The following MTCL2 variants were observed in gnomAD, a reference collection of about 807,000 sequenced individuals.
MTCL2 encodes the protein microtubule crosslinking factor 2.
chr20:36,794,543 T>C, the MTCL2 span: 1 of 1,613,932 alleles, frequency 6.2e-7, no homozygotes, highest in Non-Finnish European at 8.5e-7. The surrounding 1 kb of genome is among the most constrained non-coding windows in gnomAD (Gnocchi z 5.4). Flanking sequence ...GCCAGCAAGG[T>C]AAGGGGAACA....
the MTCL2 span, chr20:36,828,884 T>C: frequency 2.9e-6 from 2 of 683,446 alleles, no homozygotes; most frequent in South Asian, 2.0e-5. Flanking sequence ...ATTTACACAG[T>C]AGGTGCTCAG....
chr20:36,815,065 AAAAAC>A, the MTCL2 span: 21 of 1,486,830 alleles, frequency 1.4e-5, no homozygotes, highest in South Asian at 1.2e-4. This position sits in a 1 kb window ranked among gnomAD's most constrained non-coding sequence, Gnocchi z 5.3. Flanking sequence ...CTATCTCAAG[AAAAAC>A]AAAACAAAAC....
the MTCL2 span, chr20:36,859,752 C>G: frequency 8.1e-7 from 1 of 1,231,780 alleles, no homozygotes; most frequent in South Asian, 4.1e-5. Context: ...CCCACCAGAC[C>G]TGGTGGGACC....
chr20:36,863,075 C>A, the MTCL2 span: 1 of 1,402,366 alleles, frequency 7.1e-7, no homozygotes, highest in South Asian at 1.4e-5. This position sits in a 1 kb window ranked among gnomAD's most constrained non-coding sequence, Gnocchi z 6.2. Flanking sequence ...CGGTGCGGAC[C>A]CCGGCCACCC....
At chr20:36,840,425 C>T in the MTCL2 span, among the ~76,000 whole-genome samples, 1 of 151,888 alleles carries the variant, frequency 6.6e-6, no homozygotes, top group South Asian at 2.1e-4. Flanking sequence ...GCCTCGGCCT[C>T]CCAAATTGCT....
At chr20:36,823,704 A>C in the MTCL2 span, among the ~76,000 whole-genome samples, 1 of 152,150 alleles carries the variant, frequency 6.6e-6, no homozygotes, top group African/African-American at 2.4e-5. Flanking sequence ...ACAACTTGGG[A>C]TGCTGAGGCA....
At chr20:36,804,556 G>T in the MTCL2 span, among the ~76,000 whole-genome samples, 1 of 152,144 alleles carries the variant, frequency 6.6e-6, no homozygotes, top group Non-Finnish European at 1.5e-5. Flanking sequence ...ATTCCCCACC[G>T]TTTCTGATAC....
At chr20:36,845,056 A>C in the MTCL2 span, among the ~76,000 whole-genome samples, 1 of 152,172 alleles carries the variant, frequency 6.6e-6, no homozygotes, top group Non-Finnish European at 1.5e-5. Flanking sequence ...AGAAAAAGAA[A>C]ACATAATCCA....
the MTCL2 span, chr20:36,794,461 T>C: frequency 6.2e-7 from 1 of 1,613,906 alleles, no homozygotes; most frequent in East Asian, 2.2e-5. This position sits in a 1 kb window ranked among gnomAD's most constrained non-coding sequence, Gnocchi z 5.4. Context: ...TGTCTTTCTC[T>C]GGATCCCCTG....
the MTCL2 span, among the ~76,000 whole-genome samples, chr20:36,802,469 C>T: frequency 6.6e-6 from 1 of 152,118 alleles, no homozygotes; most frequent in African/African-American, 2.4e-5. Context: ...CCCATGGGAA[C>T]CACTCTTAGT....
chr20:36,843,183 C>T, the MTCL2 span, among the ~76,000 whole-genome samples: 1 of 152,190 alleles, frequency 6.6e-6, no homozygotes, highest in African/African-American at 2.4e-5. Context: ...GGGGTTCTCT[C>T]TCTTCACTCC....
the MTCL2 span, chr20:36,793,552 T>G: frequency 3.9e-6 from 6 of 1,551,566 alleles, no homozygotes; most frequent in Non-Finnish European, 5.2e-6. This position sits in a 1 kb window ranked among gnomAD's most constrained non-coding sequence, Gnocchi z 6.8. Flanking sequence ...ACATGCCTAG[T>G]TTCCAGACAG....
the MTCL2 span, among the ~76,000 whole-genome samples, chr20:36,841,257 T>C: frequency 1.4e-5 from 2 of 143,158 alleles, no homozygotes; most frequent in Admixed American, 7.2e-5. Flanking sequence ...CACTTGAACC[T>C]AGGAGGCAGA....
the MTCL2 span, chr20:36,794,414 T>C: frequency 6.2e-7 from 1 of 1,613,938 alleles, no homozygotes; most frequent in Non-Finnish European, 8.5e-7. This position sits in a 1 kb window ranked among gnomAD's most constrained non-coding sequence, Gnocchi z 5.4. Flanking sequence ...ACCCAGGTGG[T>C]TGCAGTCCCT....
chr20:36,851,651 C>A, the MTCL2 span, among the ~76,000 whole-genome samples: 5 of 152,204 alleles, frequency 3.3e-5, no homozygotes, highest in Admixed American at 2.6e-4. Flanking sequence ...TCCTCCAGGC[C>A]CATTACGTCC....
the MTCL2 span, chr20:36,829,029 C>A: frequency 6.6e-7 from 1 of 1,524,436 alleles, no homozygotes; most frequent in South Asian, 1.2e-5. Flanking sequence ...CTAGGCTGGC[C>A]CTGCTGGATG....
At chr20:36,837,269 T>C in the MTCL2 span, among the ~76,000 whole-genome samples, 1 of 152,178 alleles carries the variant, frequency 6.6e-6, no homozygotes, top group South Asian at 2.1e-4. Flanking sequence ...CTGGGGGCCC[T>C]GGAGTTCTCA....
the MTCL2 span, among the ~76,000 whole-genome samples, chr20:36,823,935 A>T: frequency 1.3e-5 from 2 of 152,222 alleles, no homozygotes; most frequent in African/African-American, 4.8e-5. Context: ...TTGAACTATC[A>T]GCCCCTTCCT....
the MTCL2 span, among the ~76,000 whole-genome samples, chr20:36,862,446 G>A: frequency 2.6e-5 from 4 of 152,200 alleles, no homozygotes; most frequent in Admixed American, 1.3e-4. Context: ...CCAGTTCCAA[G>A]GTCTTTTTCA....
Sources: allele counts gnomAD v4.1 joint callset (sites outside exome capture counted in the v4.1 genomes callset), GRCh38; gene constraint gnomAD v4.1.1; non-coding constraint Gnocchi (gnomAD v3.1); transcripts MANE v1.5; gene names NCBI Gene and HGNC (gene_info 2026-07-23, HGNC 2026-07-21).